The following RSF1 variants were observed in gnomAD, a reference collection of about 807,000 sequenced individuals.
RSF1 encodes the protein remodeling and spacing factor 1.
RSF1 carries 13 observed loss-of-function variants against 145.2 expected under a neutral mutation model. That is an observed-to-expected ratio of 0.09 (90% CI 0.06 to 0.14). The LOEUF (loss-of-function observed/expected upper bound fraction) is 0.14. Ranked by LOEUF, RSF1 falls within the 10% of genes least tolerant of loss-of-function variation. The pLI, the probability that RSF1 is intolerant of heterozygous loss-of-function variation, is 1.00. For synonymous variants in RSF1, 577 were observed against 592.6 expected, an observed-to-expected ratio of 0.97 and a Z score of 0.38; for missense variants, 1,517 against 1,718.2, an observed-to-expected ratio of 0.88 and a Z score of 2.07.
At chr11:77,738,111 AGAGT>A (rs1961411437) in intron 4 of RSF1, among the ~76,000 whole-genome samples, 1 of 152,268 alleles carries the variant, frequency 6.6e-6, no homozygotes, top group Non-Finnish European at 1.5e-5. Flanking sequence ...CCTGGGCGAC[AGAGT>A]GAGACTCCGT....
At chr11:77,766,497 G>T (rs1846477514) in intron 1 of RSF1, among the ~76,000 whole-genome samples, 1 of 152,170 alleles carries the variant, frequency 6.6e-6, no homozygotes, top group Admixed American at 6.5e-5. Context: ...AGCAGGTAGA[G>T]TGGTGGGTTG....
At chr11:77,781,946 A>G (rs2135957319) in intron 1 of RSF1, among the ~76,000 whole-genome samples, 1 of 152,300 alleles carries the variant, frequency 6.6e-6, no homozygotes, top group South Asian at 2.1e-4. Context: ...TCATTTTCAG[A>G]TACTAATATA....
At chr11:77,697,741 A>T (rs1960317807) in intron 7 of RSF1, among the ~76,000 whole-genome samples, 1 of 151,550 alleles carries the variant, frequency 6.6e-6, no homozygotes, top group Non-Finnish European at 1.5e-5. Flanking sequence ...AGGTGTATAT[A>T]TTTATAGGGT....
At chr11:77,728,382 G>C (rs1224512170) in intron 4 of RSF1, among the ~76,000 whole-genome samples, 1 of 152,092 alleles carries the variant, frequency 6.6e-6, no homozygotes, top group East Asian at 1.9e-4. Context: ...CTACTTGAAA[G>C]TGGCCACAAA....
rs907603295 is a variant in RSF1 at position 77,660,056 on chromosome 11, A to T, written c.*6861T>A. 6.6e-6 allele frequency: 1 copy of T among 152,246 alleles called. No homozygotes were observed. Among genetic ancestry groups the T allele is most frequent in the Non-Finnish European group, 1.5e-5 (1 of 68,050 alleles). 9.4% of individuals were successfully genotyped at this position (152,246 alleles called of 1,614,324 possible). A position where few individuals can be genotyped will look rare whatever the true frequency, so the allele number is the denominator to read the frequency against. On this transcript the variant is annotated 3_prime_UTR_variant, in exon 16 of 16. Coordinates refer to ENST00000308488, the MANE Select transcript of RSF1 (RefSeq NM_016578.4). ...GACAATTGACATATTAAGTGAAAGA[A>T]ATGACAGAAGTATTATAATAAAACA...
chr11:77,692,175 G>A (rs1960165542), intron 8 of RSF1, among the ~76,000 whole-genome samples: 1 of 147,082 alleles, frequency 6.8e-6, no homozygotes, highest in Non-Finnish European at 1.5e-5. Context: ...ATAGGCATAA[G>A]CCACCACGCT....
chr11:77,763,761 A>G (rs998147833), intron 2 of RSF1: 1 of 152,184 alleles, frequency 6.6e-6, no homozygotes, highest in Non-Finnish European at 1.5e-5. Flanking sequence ...TGGCTAGGAA[A>G]ACAAACTGGT....
the RSF1 span, among the ~76,000 whole-genome samples, chr11:77,862,302 G>A: frequency 8.5e-5 from 13 of 152,298 alleles, no homozygotes; most frequent in East Asian, 2.3e-3. Flanking sequence ...CTCATTTGGC[G>A]TTAGTGTCTG....
At position 77,675,197 on chromosome 11, in the gene RSF1, G is replaced by A; in HGVS notation, c.3401C>T (p.Pro1134Leu). 2 of 1,614,026 alleles carry A rather than the reference G, an allele frequency of 1.2e-6. No individual in the cohort carries two copies. The highest frequency in any genetic ancestry group is 1.7e-6 in the Non-Finnish European group (2 of 1,179,986). ...GTCAGTGTCACTGTCATCATTAGAT[G>A]GCGGATCTTCTTCACTTTCATCTGG... is the stretch of plus-strand genomic sequence containing the variant. Reference protein sequence around the residue: ...ENPDESEEDPPSNDDSDTDFC... With the variant: ...ENPDESEEDPLSNDDSDTDFC... Residue 1134 changes from proline (P) to leucine (L), a missense_variant, in exon 14 of 16, where the codon CCA becomes CTA. Pro to Leu is a moderately conservative substitution (Grantham distance 98, BLOSUM62 -3). Transcript: ENST00000308488.
chr11:77,776,447 A>C (rs1383539573), intron 1 of RSF1, among the ~76,000 whole-genome samples: 3 of 152,112 alleles, frequency 2.0e-5, no homozygotes, highest in Non-Finnish European at 4.4e-5. Flanking sequence ...TTCAGTTAAC[A>C]TTCATTTGAC....
chr11:77,836,567 A>G, the RSF1 span, among the ~76,000 whole-genome samples: 2 of 152,210 alleles, frequency 1.3e-5, no homozygotes, highest in Non-Finnish European at 2.9e-5. Context: ...AGTCTGTGGT[A>G]TTTTGTAATG....
intron 1 of RSF1, among the ~76,000 whole-genome samples, chr11:77,802,320 C>T (rs942663862): frequency 6.6e-6 from 1 of 152,100 alleles, no homozygotes; most frequent in Non-Finnish European, 1.5e-5. Flanking sequence ...CAACTGATGT[C>T]TAAAGTGGGA....
At chr11:77,801,985 G>A (rs1948630628) in intron 1 of RSF1, among the ~76,000 whole-genome samples, 1 of 151,958 alleles carries the variant, frequency 6.6e-6, no homozygotes, top group South Asian at 2.1e-4. Flanking sequence ...GGGCAACAGA[G>A]AGAGACCCCA....
At chr11:77,779,951 C>T (rs1948386536) in intron 1 of RSF1, among the ~76,000 whole-genome samples, 1 of 152,170 alleles carries the variant, frequency 6.6e-6, no homozygotes, top group South Asian at 2.1e-4. Context: ...TCACTCCATC[C>T]CCTCCCATCA....
At chr11:77,681,855 C>T (rs1035423035) in intron 11 of RSF1, among the ~76,000 whole-genome samples, 3 of 152,178 alleles carry the variant, frequency 2.0e-5, no homozygotes, top group African/African-American at 7.2e-5. Context: ...CAGTATAAAA[C>T]GCCATAGTTA....
At chr11:77,717,510 C>T (rs1816752128) in intron 5 of RSF1, among the ~76,000 whole-genome samples, 2 of 152,172 alleles carry the variant, frequency 1.3e-5, no homozygotes, top group Non-Finnish European at 2.9e-5. Flanking sequence ...GATCGATCTC[C>T]GTATACTGAT....
intron 8 of RSF1, among the ~76,000 whole-genome samples, chr11:77,692,233 ATTTTTTTT>A (rs71046904): frequency 0.041 from 2,020 of 49,390 alleles, 61 homozygotes; most frequent in African/African-American, 0.047. Context: ...CTACTTTTAA[ATTTTTTTT>A]TTTTTTTTTT....
chr11:77,720,694 T>C (rs1226366110), intron 5 of RSF1, among the ~76,000 whole-genome samples: 1 of 152,124 alleles, frequency 6.6e-6, no homozygotes, highest in Non-Finnish European at 1.5e-5. Flanking sequence ...TCATGGGAGT[T>C]GGGGAGACAA....
In RSF1 at chr11:77,678,531, A is replaced by G. The variant is rs1959774721; in HGVS notation, c.3066-378T>C. On this transcript the variant is annotated intron_variant, in intron 11 of 15. Transcript: ENST00000308488. ...CCCAGCTGTCCTTTTATTTTTAAAG[A>G]TTACCTTTAGCAGATGTCTGTTACT... is the stretch of plus-strand genomic sequence containing the variant. Among the ~76,000 whole-genome samples, 3 of 152,104 alleles carry G rather than the reference A, an allele frequency of 2.0e-5. No homozygotes were observed. The South Asian group carries it at 6.2e-4, about 31-fold the overall frequency.
Sources: allele counts gnomAD v4.1 joint callset (sites outside exome capture counted in the v4.1 genomes callset), GRCh38; gene constraint gnomAD v4.1.1; transcripts MANE v1.5; gene names NCBI Gene and HGNC (gene_info 2026-07-23, HGNC 2026-07-21).